Variants in RPS6KA3 observed in about 807,000 individuals in gnomAD.
RPS6KA3 encodes ribosomal protein S6 kinase A3.
A neutral mutation model predicts 67.2 loss-of-function variants in RPS6KA3; 4 were observed. That is an observed-to-expected ratio of 0.06 (90% CI 0.03 to 0.14). The LOEUF is 0.14. Among genes scored for constraint, RPS6KA3 ranks in the 10% least tolerant of loss-of-function variants. The pLI is 1.00. For missense variants in RPS6KA3, 204 were observed against 559.0 expected (o/e 0.36, Z 6.40); for synonymous variants, 182 against 183.7 (o/e 0.99, Z 0.07).
intron 5 of RPS6KA3, 67 bp downstream of exon 5, chrX:20,194,998 T>C (rs757153376): frequency 2.9e-4 from 181 of 634,134 alleles, no homozygotes; most frequent in Non-Finnish European, 1.8e-4. Flanking sequence ...TATTAGTTTA[T>C]CTGAATGTCC....
intron 2 of RPS6KA3, among the ~76,000 whole-genome samples, chrX:20,226,117 G>A (rs1390649809): frequency 2.7e-5 from 3 of 111,665 alleles, no homozygotes; most frequent in Non-Finnish European, 5.6e-5. Flanking sequence ...GGGAGGCGGA[G>A]GTTGCAGTGA....
chrX:20,177,345 C>T (rs930397394), intron 10 of RPS6KA3, among the ~76,000 whole-genome samples: 5 of 111,850 alleles, frequency 4.5e-5, no homozygotes, highest in African/African-American at 1.6e-4. Flanking sequence ...TTTATTTGCA[C>T]TTATTTGTGT....
chrX:20,215,062 T>C (rs1358123226), intron 2 of RPS6KA3, among the ~76,000 whole-genome samples: 3 of 111,002 alleles, frequency 2.7e-5, no homozygotes, highest in Non-Finnish European at 5.7e-5. Flanking sequence ...TGCCTTGGCC[T>C]CCCAAAGTGC....
At chrX:20,192,136 C>T (rs1231788055) in intron 7 of RPS6KA3, among the ~76,000 whole-genome samples, 2 of 110,552 alleles carry the variant, frequency 1.8e-5, no homozygotes, top group Non-Finnish European at 1.9e-5. Context: ...GAGCAAGGCT[C>T]GTGCTTATAT....
intron 2 of RPS6KA3, among the ~76,000 whole-genome samples, chrX:20,222,704 T>C (rs1365779868): frequency 3.6e-5 from 4 of 111,706 alleles, no homozygotes; most frequent in African/African-American, 1.3e-4. Context: ...TAGACATATA[T>C]CATTATGGTT....
At chrX:20,164,487 A>G (rs2067388044) in intron 18 of RPS6KA3, among the ~76,000 whole-genome samples, 1 of 107,760 alleles carries the variant, frequency 9.3e-6, no homozygotes, top group African/African-American at 3.4e-5. Context: ...CTTGGGGTCA[A>G]GTGATCCTCC....
chrX:20,266,951 C>T (rs1363621202), upstream of RPS6KA3: 5 of 724,512 alleles, frequency 6.9e-6, no homozygotes, highest in South Asian at 2.1e-4. Context: ...CTCCGCCCCC[C>T]CCGCCGGTTC....
chrX:20,155,683 T>C (rs2067171688), intron 21 of RPS6KA3, among the ~76,000 whole-genome samples, 163 bp from the exon 22 acceptor site: 1 of 112,027 alleles, frequency 8.9e-6, no homozygotes, highest in African/African-American at 3.2e-5. Context: ...ACCAAAACTG[T>C]AGAGGCCAAC....
chrX:20,197,957 T>C (rs2068317266), intron 4 of RPS6KA3, among the ~76,000 whole-genome samples: 1 of 112,056 alleles, frequency 8.9e-6, no homozygotes, highest in East Asian at 2.8e-4. Context: ...AGAAATGTTG[T>C]TTATGTTCCT....
intron 2 of RPS6KA3, among the ~76,000 whole-genome samples, chrX:20,217,760 CAT>C (rs1290288068): frequency 8.9e-6 from 1 of 111,868 alleles, no homozygotes; most frequent in Non-Finnish European, 1.9e-5. Flanking sequence ...AGTTCTATAA[CAT>C]GTAGTTTTAT....
intron 2 of RPS6KA3, among the ~76,000 whole-genome samples, chrX:20,215,868 C>T (rs770710106): frequency 3.6e-5 from 4 of 112,339 alleles, no homozygotes; most frequent in Non-Finnish European, 5.6e-5. Flanking sequence ...ACTAAATCAC[C>T]TGTTACTGAA....
intron 15 of RPS6KA3, among the ~76,000 whole-genome samples, chrX:20,169,967 G>T (rs1438590236): frequency 8.9e-6 from 1 of 112,074 alleles, no homozygotes; most frequent in African/African-American, 3.2e-5. Flanking sequence ...TGCTTCAATT[G>T]AATATCCTGT....
At chrX:20,193,343 G>A in intron 7 of RPS6KA3, 144 bp downstream of exon 7, 1 of 394,976 alleles carries the variant, frequency 2.5e-6, no homozygotes, top group South Asian at 5.0e-5. Context: ...GATTTTTAAA[G>A]TATGAAACTA....
At chrX:20,261,765 T>G (rs1458087850) in intron 1 of RPS6KA3, among the ~76,000 whole-genome samples, 1 of 112,103 alleles carries the variant, frequency 8.9e-6, no homozygotes, top group African/African-American at 3.2e-5. Flanking sequence ...GGGTAGTTTT[T>G]CTTTGTTTTA....
intron 2 of RPS6KA3, among the ~76,000 whole-genome samples, chrX:20,213,009 A>G (rs2068757622): frequency 9.0e-6 from 1 of 111,709 alleles, no homozygotes; most frequent in African/African-American, 3.3e-5. Context: ...AGCTCCAGTC[A>G]TATGACCAGG....
chrX:20,196,760 A>T (rs1461712780), intron 4 of RPS6KA3, among the ~76,000 whole-genome samples: 1 of 112,093 alleles, frequency 8.9e-6, no homozygotes, highest in Non-Finnish European at 1.9e-5. Flanking sequence ...CTGTCCAGTT[A>T]GTATATCAAA....
intron 14 of RPS6KA3, among the ~76,000 whole-genome samples, chrX:20,174,347 CTTTTTT>C (rs746491012): frequency 1.1e-5 from 1 of 91,460 alleles, no homozygotes; most frequent in Non-Finnish European, 2.2e-5. Context: ...ATTCTACTTT[CTTTTTT>C]TTTTTTTTTT....
chrX:20,189,178 CCTT>C (rs769596469), intron 7 of RPS6KA3, among the ~76,000 whole-genome samples: 1 of 111,409 alleles, frequency 9.0e-6, no homozygotes, highest in Non-Finnish European at 1.9e-5. Context: ...TCCCCATACT[CCTT>C]GTTTTTCATT....
chrX:20,185,199 G>A (rs963565272), intron 10 of RPS6KA3, among the ~76,000 whole-genome samples: 2 of 111,582 alleles, frequency 1.8e-5, no homozygotes, highest in Admixed American at 9.5e-5. Context: ...TGCCTGCCTC[G>A]GCCTGCCAAA....
Sources: allele counts gnomAD v4.1 joint callset (sites outside exome capture counted in the v4.1 genomes callset), GRCh38; gene constraint gnomAD v4.1.1; transcripts MANE v1.5; gene names NCBI Gene and HGNC (gene_info 2026-07-23, HGNC 2026-07-21).